Variants in RASA3 observed in about 807,000 individuals in gnomAD.
RASA3 encodes the protein ras GTPase-activating protein 3.
Under a neutral mutation model 110.0 loss-of-function variants are expected in RASA3, and 73 were observed. The observed-to-expected ratio is 0.66, with a 90% CI of 0.55 to 0.81. RASA3 has a LOEUF of 0.81. Among genes scored for constraint, RASA3 ranks in the 30% least tolerant of loss-of-function variants. The pLI, the probability that RASA3 is intolerant of heterozygous loss-of-function variation, is 0.00. For synonymous variants in RASA3, 500 were observed against 451.4 expected (o/e 1.11, Z -1.37); for missense variants, 976 against 1,113.2 (o/e 0.88, Z 1.75).
intron 12 of RASA3, 137 bp downstream of exon 12, chr13:114,017,100 G>C: frequency 1.4e-6 from 1 of 727,214 alleles, no homozygotes; most frequent in Non-Finnish European, 2.4e-6. Flanking sequence ...GAATGAATCA[G>C]CATCCCCGTG....
intron 21 of RASA3, among the ~76,000 whole-genome samples, chr13:113,994,340 T>C (rs573312560): frequency 2.0e-5 from 3 of 152,320 alleles, no homozygotes; most frequent in African/African-American, 4.8e-5. Flanking sequence ...CAACCATATA[T>C]TTATGCTGTC....
Position 113,995,886 on chromosome 13 carries a change from GGA to G in RASA3, c.2141+643_2141+644del, listed in dbSNP as rs1383258682. ...GCTGATGGGGAGGCCCGGCTGATGG[GGA>G]GGCCCGGCTGATGGGGGACCCGGCT... On this transcript the variant is annotated intron_variant, in intron 21 of 23. Transcript: ENST00000334062. 8.6e-5 allele frequency among the ~76,000 whole-genome samples: 5 copies of G among 58,128 alleles called. 1 individual carries two copies. Among genetic ancestry groups the G allele is most frequent in the African/African-American group, 2.9e-4 (3 of 10,364 alleles). 38.1% of individuals were successfully genotyped at this position (58,128 alleles called of 152,430 possible). A position where few individuals can be genotyped will look rare whatever the true frequency, so the allele number is the denominator to read the frequency against.
chr13:113,999,692 G>C, intron 19 of RASA3, 25 bp from the exon 20 acceptor site: 1 of 1,604,342 alleles, frequency 6.2e-7, no homozygotes, highest in Non-Finnish European at 8.5e-7. Context: ...GACTGTCAGT[G>C]GGTGCGGGCC....
intron 21 of RASA3, among the ~76,000 whole-genome samples, chr13:113,994,002 G>A (rs1473188881): frequency 6.6e-6 from 1 of 152,150 alleles, no homozygotes; most frequent in African/African-American, 2.4e-5. Context: ...CAGAACGTGT[G>A]AAATATGCTC....
At chr13:114,074,881 C>T (rs1287538026) in intron 1 of RASA3, among the ~76,000 whole-genome samples, 1 of 152,256 alleles carries the variant, frequency 6.6e-6, no homozygotes, top group Non-Finnish European at 1.5e-5. Flanking sequence ...GCAAGCCTAA[C>T]GGCCCAGTTT....
chr13:114,020,841 G>A (rs1038283689), intron 9 of RASA3, among the ~76,000 whole-genome samples: 3 of 152,192 alleles, frequency 2.0e-5, no homozygotes, highest in Admixed American at 6.5e-5. Context: ...AGGTGCTGCC[G>A]AGGGCCCAGA....
chr13:114,058,183 C>G (rs569398844), intron 2 of RASA3, among the ~76,000 whole-genome samples: 1 of 152,154 alleles, frequency 6.6e-6, no homozygotes, highest in African/African-American at 2.4e-5. Context: ...TACCTGCAAA[C>G]GGAGCACCAG....
At chr13:114,093,636 GTCT>G (rs1227856389) in intron 1 of RASA3, among the ~76,000 whole-genome samples, 5 of 152,002 alleles carry the variant, frequency 3.3e-5, no homozygotes, top group Non-Finnish European at 7.4e-5. Context: ...ATTTGAATAG[GTCT>G]TCTTCTGCCT....
chr13:114,019,021 G>A (rs941839437), intron 9 of RASA3, 102 bp from the exon 10 acceptor site: 9 of 1,440,632 alleles, frequency 6.2e-6, no homozygotes, highest in East Asian at 2.3e-5. Context: ...CTGGTCAGGA[G>A]GGTGATCCTG....
intron 12 of RASA3, among the ~76,000 whole-genome samples, 175 bp downstream of exon 12, chr13:114,017,062 A>G (rs1471695821): frequency 1.3e-5 from 2 of 152,240 alleles, no homozygotes; most frequent in Non-Finnish European, 2.9e-5. Context: ...GTTCTGGAGT[A>G]CACAGGGAAC....
At chr13:114,031,266 T>G (rs976664557) in intron 4 of RASA3, among the ~76,000 whole-genome samples, 3 of 149,640 alleles carry the variant, frequency 2.0e-5, no homozygotes, top group South Asian at 2.1e-4. Flanking sequence ...TGCCTGTGTT[T>G]GCATGAAACT....
At chr13:114,129,193 A>G (rs1374686574) in intron 1 of RASA3, among the ~76,000 whole-genome samples, 1 of 152,244 alleles carries the variant, frequency 6.6e-6, no homozygotes, top group Non-Finnish European at 1.5e-5. Flanking sequence ...GCGATCGCAT[A>G]GGAAGTGTGG....
At chr13:114,018,326 G>A (rs1308145692) in intron 10 of RASA3, 74 bp from the exon 11 acceptor site, 54 of 1,475,758 alleles carry the variant, frequency 3.7e-5, no homozygotes, top group Non-Finnish European at 4.4e-5. Context: ...ACCTTGGCTG[G>A]GGTCTCACTT....
At chr13:113,979,462 C>G (rs754009559) in intron 23 of RASA3, 40 bp from the exon 24 acceptor site, 2 of 1,499,994 alleles carry the variant, frequency 1.3e-6, no homozygotes, top group Non-Finnish European at 1.9e-6. Context: ...GCACAGACCC[C>G]GTTGCCTGGT....
Position 114,017,283 on chromosome 13 carries a change from G to A in RASA3, c.1160C>T (p.Ala387Val), listed in dbSNP as rs958093257. ...GGTGACATGCAGGTAATGCATCCCC[G>A]CCAGCTTCATGGTCTCGTCGATGCA... ...SKCIDETMKL[A>V]GMHYLHVTLK... is the part of the protein sequence containing the mutation. The change falls in exon 12 of 24, where the codon GCG becomes GTG. Residue 387 changes from alanine to valine, a missense_variant. Transcript: ENST00000334062. 6 of 1,613,748 alleles carry A rather than the reference G, an allele frequency of 3.7e-6. No homozygotes were observed. Among genetic ancestry groups the A allele is most frequent in the Non-Finnish European group, 4.2e-6 (5 of 1,180,022 alleles).
chr13:114,095,231 C>T (rs1340646691), intron 1 of RASA3, among the ~76,000 whole-genome samples: 1 of 152,166 alleles, frequency 6.6e-6, no homozygotes, highest in Non-Finnish European at 1.5e-5. Flanking sequence ...CAGTAATTTT[C>T]TGCAATTATT....
chr13:114,052,315 G>T (rs1042695772), intron 2 of RASA3, among the ~76,000 whole-genome samples, 160 bp from the exon 3 acceptor site: 1 of 152,156 alleles, frequency 6.6e-6, no homozygotes, highest in African/African-American at 2.4e-5. Context: ...TGGGGTGAAG[G>T]GCCTCGTAGC....
intron 1 of RASA3, among the ~76,000 whole-genome samples, chr13:114,116,995 CAT>C (rs1292663881): frequency 1.8e-5 from 2 of 108,784 alleles, no homozygotes; most frequent in Non-Finnish European, 3.5e-5. Context: ...GAGGGATGCA[CAT>C]GTGTGAGGGG....
At chr13:114,024,021 T>A (rs1283085093) in intron 8 of RASA3, among the ~76,000 whole-genome samples, 1 of 152,198 alleles carries the variant, frequency 6.6e-6, no homozygotes, top group African/African-American at 2.4e-5. Context: ...CCCCCGTCAC[T>A]CCAGGTGGAT....
Sources: gnomAD v4.1 joint callset for allele counts (sites outside exome capture counted in the v4.1 genomes callset) on GRCh38, gnomAD v4.1.1 for gene constraint, MANE v1.5 for transcripts, NCBI Gene and HGNC (gene_info 2026-07-23, HGNC 2026-07-21) for gene names.